The following BMP2K variants were observed in gnomAD, a reference collection of about 807,000 sequenced individuals.
The protein encoded by BMP2K is BMP2 inducible kinase.
BMP2K carries 74 observed loss-of-function variants against 116.0 expected under a neutral mutation model. That is an observed-to-expected ratio of 0.64 (90% CI 0.53 to 0.77). BMP2K has a LOEUF of 0.77. Ranked by LOEUF, BMP2K falls within the 30% of genes least tolerant of loss-of-function variation. BMP2K has a pLI of 0.00. For missense variants in BMP2K, 1,365 were observed against 1,403.6 expected (o/e 0.97, Z 0.44); for synonymous variants, 486 against 502.5 (o/e 0.97, Z 0.44).
chr4:78,871,843 G>T lies in BMP2K; in HGVS notation c.1510-7G>T, dbSNP rs756296053. 1.3e-6 allele frequency: 2 copies of T among 1,598,478 alleles called. No homozygotes were observed. The highest frequency in any genetic ancestry group is 1.7e-6 in the Non-Finnish European group (2 of 1,169,030). ...TAACATTTATTAATTTGATTTTCTC[G>T]TTGTAGTATCAACATGCAACACAGC... On this transcript the variant is annotated splice_region_variant and splice_polypyrimidine_tract_variant and intron_variant, in intron 11 of 15. Coordinates refer to ENST00000502613, the MANE Select transcript of BMP2K (RefSeq NM_198892.2).
Position 78,859,766 on chromosome 4 carries a change from T to C in BMP2K, c.987+79T>C, listed in dbSNP as rs565684745. On this transcript the variant is annotated intron_variant, in intron 8 of 15. Transcript: ENST00000502613. ...AATATATTTACTTTCAGAGTTACTT[T>C]TTTTTTGTTGCTGTTGCTAAAACTC... The C allele has an allele frequency of 1.5e-5, 15 of 990,268 alleles. 1 individual carries two copies. In the South Asian group the frequency reaches 2.2e-4, roughly 15 times the overall value. The allele number at this position is 990,268 out of a possible 1,614,324, so 61.3% of individuals were successfully genotyped here.
intron 15 of BMP2K, among the ~76,000 whole-genome samples, chr4:78,907,594 A>AT (rs1273627934): frequency 1.3e-5 from 2 of 152,352 alleles, no homozygotes; most frequent in South Asian, 2.1e-4. Flanking sequence ...TTACATGTAA[A>AT]TAAAAGGGTA....
At chr4:78,804,510 A>G (rs1236902488) in intron 1 of BMP2K, among the ~76,000 whole-genome samples, 1 of 152,096 alleles carries the variant, frequency 6.6e-6, no homozygotes, top group Non-Finnish European at 1.5e-5. Flanking sequence ...AGGACCTACT[A>G]TATTTTTCCA....
intron 1 of BMP2K, among the ~76,000 whole-genome samples, chr4:78,814,870 T>A (rs1322275263): frequency 1.3e-5 from 2 of 152,202 alleles, no homozygotes; most frequent in African/African-American, 4.8e-5. Flanking sequence ...TATTATTATA[T>A]TCACATCTAG....
At chr4:78,791,313 T>C (rs1202006236) in intron 1 of BMP2K, among the ~76,000 whole-genome samples, 1 of 152,222 alleles carries the variant, frequency 6.6e-6, no homozygotes, top group Non-Finnish European at 1.5e-5. Context: ...GTTTTCATAA[T>C]AATACTAAGA....
intron 7 of BMP2K, among the ~76,000 whole-genome samples, chr4:78,852,697 C>T (rs1391688024): frequency 1.3e-5 from 2 of 152,150 alleles, no homozygotes; most frequent in South Asian, 2.1e-4. Context: ...ATACAAACTC[C>T]TGGCCTCAAG....
At chr4:78,823,348 A>G (rs1421458640) in intron 1 of BMP2K, among the ~76,000 whole-genome samples, 1 of 151,934 alleles carries the variant, frequency 6.6e-6, no homozygotes, top group Non-Finnish European at 1.5e-5. Context: ...CAGTGACTAC[A>G]TAACTTGGTT....
chr4:78,895,083 G>A (rs2033063), intron 15 of BMP2K, among the ~76,000 whole-genome samples: 25,730 of 152,060 alleles, frequency 0.17, 4,466 homozygotes, highest in African/African-American at 0.44. Flanking sequence ...CAGGGTCACC[G>A]TAACAGATAC....
chr4:78,817,212 C>G (rs1468268858), intron 1 of BMP2K, among the ~76,000 whole-genome samples: 1 of 152,190 alleles, frequency 6.6e-6, no homozygotes, highest in Admixed American at 6.5e-5. Flanking sequence ...TTCTCTGACA[C>G]CAACTGGGTA....
rs1325293358 is a variant in BMP2K at position 78,915,167 on chromosome 4, G to A, written c.*3134G>A. On this transcript the variant is annotated 3_prime_UTR_variant, in exon 16 of 16. Coordinates refer to ENST00000502613, the MANE Select transcript of BMP2K (RefSeq NM_198892.2). ...CTGTGTACGTGTTGGGTATAGTTAC[G>A]ACATTATCCGGATTTGCAAATAGAC... 5 of 151,904 alleles carry A rather than the reference G, an allele frequency of 3.3e-5. No individual in the cohort carries two copies. The highest frequency in any genetic ancestry group is 2.0e-4 in the Admixed American group (3 of 15,218). The allele number at this position is 151,904 out of a possible 1,614,324, so 9.4% of individuals were successfully genotyped here. A position where few individuals can be genotyped will look rare whatever the true frequency, so the allele number is the denominator to read the frequency against.
At chr4:78,789,375 A>G (rs1222653966) in intron 1 of BMP2K, among the ~76,000 whole-genome samples, 9 of 152,004 alleles carry the variant, frequency 5.9e-5, no homozygotes, top group Non-Finnish European at 1.2e-4. Context: ...ACTTTTACTT[A>G]TGGCCTCTTT....
At position 78,776,739 on chromosome 4, in the gene BMP2K, GGC is replaced by G; in HGVS notation, c.178+19_178+20del. On this transcript the variant is annotated intron_variant, in intron 1 of 15. Coordinates refer to ENST00000502613, the MANE Select transcript of BMP2K (RefSeq NM_198892.2). ...GGCCGAAGGTACGGGCGCCCGGGGA[GGC>G]TCGGACAGGCAGGTGAGGGAGGGTT... The G allele has an allele frequency of 1.1e-6, 1 of 874,864 alleles. No individual in the cohort carries two copies. The highest frequency in any genetic ancestry group is 1.5e-6 in the Non-Finnish European group (1 of 679,334). The allele number at this position is 874,864 out of a possible 1,614,324, so 54.2% of individuals were successfully genotyped here. A position where few individuals can be genotyped will look rare whatever the true frequency, so the allele number is the denominator to read the frequency against.
chr4:78,794,945 A>G (rs765577887), intron 1 of BMP2K, among the ~76,000 whole-genome samples: 1 of 152,230 alleles, frequency 6.6e-6, no homozygotes, highest in Non-Finnish European at 1.5e-5. Context: ...ATTGGAGGGT[A>G]TGTAAATTAA....
intron 1 of BMP2K, among the ~76,000 whole-genome samples, chr4:78,795,723 G>A (rs1488009423): frequency 2.6e-5 from 4 of 151,954 alleles, no homozygotes; most frequent in African/African-American, 9.7e-5. Context: ...CAAAAAGTGG[G>A]CAAAGGACAT....
At chr4:78,818,188 A>G (rs1729449011) in intron 1 of BMP2K, among the ~76,000 whole-genome samples, 1 of 152,190 alleles carries the variant, frequency 6.6e-6, no homozygotes. Context: ...TTTGTTACAT[A>G]GGTATACATG....
intron 14 of BMP2K, among the ~76,000 whole-genome samples, chr4:78,884,187 C>T (rs1732977095): frequency 6.6e-6 from 1 of 152,016 alleles, no homozygotes; most frequent in African/African-American, 2.4e-5. Flanking sequence ...ATTAGCTGAA[C>T]GTGGTGGCCT....
intron 1 of BMP2K, among the ~76,000 whole-genome samples, chr4:78,822,388 A>G (rs865994035): frequency 3.3e-5 from 5 of 152,182 alleles, no homozygotes; most frequent in Non-Finnish European, 7.4e-5. Context: ...TCTTTAAAGA[A>G]TATGCCTATG....
intron 14 of BMP2K, 145 bp downstream of exon 14, chr4:78,879,036 T>C: frequency 6.9e-7 from 1 of 1,439,772 alleles, no homozygotes; most frequent in Non-Finnish European, 9.1e-7. Flanking sequence ...TTCTTATACA[T>C]ATACTATCAA....
chr4:78,803,330 T>C (rs1372259495), intron 1 of BMP2K, among the ~76,000 whole-genome samples: 3 of 152,180 alleles, frequency 2.0e-5, no homozygotes, highest in Admixed American at 2.0e-4. Flanking sequence ...TTCTATTTGA[T>C]TTAATCCTTG....
Sources: allele counts gnomAD v4.1 joint callset (sites outside exome capture counted in the v4.1 genomes callset), GRCh38; gene constraint gnomAD v4.1.1; transcripts MANE v1.5; gene names NCBI Gene and HGNC (gene_info 2026-07-23, HGNC 2026-07-21).